Variants in RAB11B observed in about 807,000 individuals in gnomAD.
The protein encoded by RAB11B is RAB11B, member RAS oncogene family.
RAB11B carries 7 observed loss-of-function variants against 23.7 expected under a neutral mutation model. That is an observed-to-expected ratio of 0.29 (90% CI 0.17 to 0.55). The LOEUF (loss-of-function observed/expected upper bound fraction) is 0.55. Ranked by LOEUF, RAB11B falls within the 20% of genes least tolerant of loss-of-function variation. The probability of loss-of-function intolerance (pLI) is 0.93; values close to 1 mark genes in which losing one functional copy is unlikely to be tolerated. For synonymous variants in RAB11B, 138 were observed against 132.0 expected (o/e 1.05, Z -0.31); for missense variants, 189 against 320.0 (o/e 0.59, Z 3.12).
At chr19:8,401,979 T>C (rs1268474347) in intron 2 of RAB11B, 107 bp from the exon 3 acceptor site, 3 of 1,174,452 alleles carry the variant, frequency 2.6e-6, no homozygotes, top group East Asian at 2.6e-5. Context: ...GCCCCTTGGC[T>C]CGGCCCTGGA....
chr19:8,395,698 G>A (rs1024391148), intron 1 of RAB11B, among the ~76,000 whole-genome samples: 2 of 152,318 alleles, frequency 1.3e-5, no homozygotes, highest in East Asian at 1.9e-4. Context: ...GGTCTGAGCC[G>A]AGGGGTCTTG....
At chr19:8,395,406 A>C in intron 1 of RAB11B, among the ~76,000 whole-genome samples, 1 of 145,928 alleles carries the variant, frequency 6.9e-6, no homozygotes, top group Non-Finnish European at 1.5e-5. Context: ...CCACCACCAC[A>C]CCCGGCTAAT....
chr19:8,401,515 T>G (rs1245446675), intron 2 of RAB11B, among the ~76,000 whole-genome samples: 7 of 143,326 alleles, frequency 4.9e-5, no homozygotes, highest in Non-Finnish European at 9.1e-5. Flanking sequence ...GCCTCCCGAG[T>G]AGCTGGGATT....
intron 1 of RAB11B, among the ~76,000 whole-genome samples, chr19:8,399,367 C>T (rs1043828057): frequency 2.6e-5 from 4 of 152,170 alleles, no homozygotes; most frequent in African/African-American, 9.7e-5. Flanking sequence ...AGATTACAGG[C>T]GGGAGCCACC....
chr19:8,401,842 G>A (rs536192928), intron 2 of RAB11B, among the ~76,000 whole-genome samples: 1 of 152,148 alleles, frequency 6.6e-6, no homozygotes, highest in Non-Finnish European at 1.5e-5. Flanking sequence ...TTTTTTTGAT[G>A]ACCTCACGGT....
intron 1 of RAB11B, among the ~76,000 whole-genome samples, chr19:8,392,848 C>T (rs888517825): frequency 8.6e-5 from 13 of 151,708 alleles, no homozygotes; most frequent in Admixed American, 2.6e-4. Context: ...CCACCACACC[C>T]GGCTAATTTT....
intron 2 of RAB11B, chr19:8,400,273 C>G: frequency 1.6e-6 from 1 of 625,912 alleles, no homozygotes; most frequent in Non-Finnish European, 2.8e-6. Context: ...TCTCTGGGTA[C>G]CAAGTGCAGT....
At position 8,399,987 on chromosome 19, in the gene RAB11B, G is replaced by A. The variant is rs1299365624; in HGVS notation, c.165G>A (p.Val55=). 8 of 1,614,104 alleles carry A rather than the reference G, an allele frequency of 5.0e-6. No individual in the cohort carries two copies. Among genetic ancestry groups the A allele is most frequent in the Middle Eastern group, 1.6e-4 (1 of 6,084 alleles). The change falls in exon 2 of 5, where the codon GTG becomes GTA. Residue 55 remains valine, a synonymous_variant. Transcript: ENST00000328024. ...AGTTCGCCACCCGCAGCATCCAGGT[G>A]GACGGCAAGACCATCAAGGCGCAGA... ...GVEFATRSIQ[V]DGKTIKAQIW... is the part of the protein sequence containing the mutation.
chr19:8,390,850 C>T (rs1171032620), intron 1 of RAB11B, among the ~76,000 whole-genome samples: 4 of 150,172 alleles, frequency 2.7e-5, no homozygotes, highest in Admixed American at 1.3e-4. Context: ...GGGGCTAAGG[C>T]GTGATGGGCG....
At chr19:8,392,364 G>A (rs964801330) in intron 1 of RAB11B, among the ~76,000 whole-genome samples, 1 of 152,136 alleles carries the variant, frequency 6.6e-6, no homozygotes, top group African/African-American at 2.4e-5. Context: ...CAATGGAGAG[G>A]CTGTGTGGTT....
At position 8,402,217 on chromosome 19, in the gene RAB11B, G is replaced by A; in HGVS notation, c.368G>A (p.Gly123Asp). 1.3e-6 allele frequency: 2 copies of A among 1,579,500 alleles called. No individual in the cohort carries two copies. The highest frequency in any genetic ancestry group is 1.7e-6 in the Non-Finnish European group (2 of 1,163,042). ...AGCAACATCGTCATCATGCTGGTGG[G>A]CAACAAGAGTGACCTGCGCCACCTG... ...ADSNIVIMLV[G>D]NKSDLRHLRA... is the part of the protein sequence containing the mutation. The change falls in exon 3 of 5, where the codon GGC (glycine) becomes GAC (aspartate). Residue 123 changes from glycine to aspartate, a missense_variant. Gly to Asp is a moderately conservative substitution (Grantham distance 94). Transcript: ENST00000328024.
chr19:8,403,359 G>A lies in RAB11B; in HGVS notation c.512-54G>A, dbSNP rs532719782. 553 of 1,571,550 alleles carry A rather than the reference G, an allele frequency of 3.5e-4. 3 individuals are homozygous for A. The South Asian group carries it at 3.6e-3, about 10-fold the overall frequency. ...AGTCCTGCAGGGAGGGGTTCCCCTC[G>A]GCAGGCAGGGCACGTGCTGGCTCAC... On this transcript the variant is annotated intron_variant, in intron 4 of 4. Transcript: ENST00000328024.
At chr19:8,391,391 G>A (rs1335383690) in intron 1 of RAB11B, among the ~76,000 whole-genome samples, 3 of 152,244 alleles carry the variant, frequency 2.0e-5, no homozygotes, top group Non-Finnish European at 4.4e-5. Context: ...GCGCACTGAT[G>A]GCCGGGGCCC....
At chr19:8,403,253 G>A (rs1971452204) in intron 4 of RAB11B, among the ~76,000 whole-genome samples, 160 bp from the exon 5 acceptor site, 1 of 152,134 alleles carries the variant, frequency 6.6e-6, no homozygotes, top group Non-Finnish European at 1.5e-5. Context: ...CCAGATGTGG[G>A]TCCTGGCTGG....
rs527931806 is a variant in RAB11B, at chr19:8,400,221, C to A, written c.236+163C>A. On this transcript the variant is annotated intron_variant, in intron 2 of 4. Coordinates refer to ENST00000328024, the MANE Select transcript of RAB11B (RefSeq NM_004218.4). ...AACGCTTTAGCCATGCGCCGTGGGA[C>A]CCTCAGGCTGACCAGCGCCCAGCCT... is the stretch of plus-strand genomic sequence containing the variant. 9.3e-5 allele frequency: 82 copies of A among 882,564 alleles called. No individual in the cohort carries two copies. The African/African-American group carries it at 1.0e-3, about 11-fold the overall frequency. 54.7% of individuals were successfully genotyped at this position (882,564 alleles called of 1,614,324 possible).
At chr19:8,403,055 C>T in intron 4 of RAB11B, 1 of 337,570 alleles carries the variant, frequency 3.0e-6, no homozygotes. Flanking sequence ...AGGTCTAGCC[C>T]TTGCTGGCAC....
intron 3 of RAB11B, 50 bp downstream of exon 3, chr19:8,402,329 G>A: frequency 3.3e-6 from 5 of 1,530,558 alleles, no homozygotes; most frequent in Non-Finnish European, 4.4e-6. Flanking sequence ...AAGGCAGGAG[G>A]CCCCTCACAG....
chr19:8,398,799 G>A (rs538579584), intron 1 of RAB11B, among the ~76,000 whole-genome samples: 1 of 151,980 alleles, frequency 6.6e-6, no homozygotes, highest in Admixed American at 6.6e-5. Flanking sequence ...CTCTTTTCGT[G>A]GGGGGAGACA....
Position 8,396,005 on chromosome 19 carries a change from A to G in RAB11B, c.41-3858A>G, listed in dbSNP as rs543783710. ...GGTGAGGGCGAGCCCACAAACATGC[A>G]TAGCTTCAGGGTCCTGCTCTGCCCC... On this transcript the variant is annotated intron_variant, in intron 1 of 4. Transcript: ENST00000328024. This position sits in a 1 kb window ranked among gnomAD's most constrained non-coding sequence, Gnocchi z 5.0. 2.6e-5 allele frequency among the ~76,000 whole-genome samples: 4 copies of G among 152,336 alleles called. No individual in the cohort carries two copies. The highest frequency in any genetic ancestry group is 2.1e-4 in the South Asian group (1 of 4,826).
Sources: gnomAD v4.1 joint callset for allele counts (sites outside exome capture counted in the v4.1 genomes callset) on GRCh38, gnomAD v4.1.1 for gene constraint, Gnocchi (gnomAD v3.1) non-coding constraint, MANE v1.5 for transcripts, NCBI Gene and HGNC (gene_info 2026-07-23, HGNC 2026-07-21) for gene names.